Variants in RAI1 observed in about 807,000 individuals in gnomAD.
RAI1 encodes the protein retinoic acid induced 1.
In RAI1, 9 loss-of-function variants were observed where a neutral mutation model predicts 123.8. That is an observed-to-expected ratio of 0.07 (90% CI 0.04 to 0.13). RAI1 has a LOEUF of 0.13. RAI1 is among the 10% of genes least tolerant of loss of function. The probability of loss-of-function intolerance (pLI) is 1.00; values close to 1 mark genes in which losing one functional copy is unlikely to be tolerated. For synonymous variants in RAI1, 1,231 were observed against 1,127.3 expected (o/e 1.09, Z -1.84); for missense variants, 2,256 against 2,545.8 (o/e 0.89, Z 2.45).
At position 17,800,229 on chromosome 17, in the gene RAI1, A is replaced by G. The variant is rs1157520074; in HGVS notation, c.5565+1716A>G. Among the ~76,000 whole-genome samples the G allele has an allele frequency of 1.7e-5, 1 of 60,458 alleles. No homozygotes were observed. Among genetic ancestry groups the G allele is most frequent in the South Asian group, 3.5e-4 (1 of 2,846 alleles). The allele number at this position is 60,458 out of a possible 152,430, so 39.7% of individuals were successfully genotyped here. Reference sequence around the variant, plus strand: ...CTCTCTCTCTCTCTCTCTCTCTCTCATTACTGGCTCCTTCCCAGCGCCTTG... The same window carrying G: ...CTCTCTCTCTCTCTCTCTCTCTCTCGTTACTGGCTCCTTCCCAGCGCCTTG... On this transcript the variant is annotated intron_variant, in intron 3 of 5. Transcript: ENST00000353383. This position sits in a 1 kb window ranked among gnomAD's most constrained non-coding sequence, Gnocchi z 4.7.
chr17:17,767,037 G>T (rs1446587782), intron 2 of RAI1, among the ~76,000 whole-genome samples: 1 of 152,100 alleles, frequency 6.6e-6, no homozygotes, highest in East Asian at 1.9e-4. Context: ...GGGCAGGAGG[G>T]CATAGCACAC....
chr17:17,752,706 C>T (rs1423357072), intron 2 of RAI1, among the ~76,000 whole-genome samples: 1 of 152,230 alleles, frequency 6.6e-6, no homozygotes, highest in Admixed American at 6.5e-5. Context: ...ACGCTGGCCC[C>T]TCCCTCTCCT....
chr17:17,702,590 G>T (rs868064460), intron 1 of RAI1, among the ~76,000 whole-genome samples: 1 of 152,336 alleles, frequency 6.6e-6, no homozygotes, highest in South Asian at 2.1e-4. Context: ...CATCACAGCC[G>T]GGTAGACAGT....
At position 17,793,617 on chromosome 17, in the gene RAI1, C is replaced by T. The variant is rs1488972710; in HGVS notation, c.669C>T (p.Ser223=). 3 of 1,613,504 alleles carry T rather than the reference C, an allele frequency of 1.9e-6. No homozygotes were observed. Among genetic ancestry groups the T allele is most frequent in the Admixed American group, 3.3e-5 (2 of 60,028 alleles). ...SQSFPTSSTY[S]SSVQGGGQGA... is the part of the protein sequence containing the mutation. ...CCTTCCCCACCTCCTCCACCTACTC[C>T]TCCTCTGTCCAGGGTGGTGGGCAGG... Residue 223 remains serine, a synonymous_variant, in exon 3 of 6, where the codon TCC becomes TCT. Coordinates refer to ENST00000353383, the MANE Select transcript of RAI1 (RefSeq NM_030665.4).
At chr17:17,698,522 C>T (rs1915109827) in intron 1 of RAI1, among the ~76,000 whole-genome samples, 1 of 152,224 alleles carries the variant, frequency 6.6e-6, no homozygotes, top group Admixed American at 6.5e-5. Flanking sequence ...TCTGTCACTA[C>T]TTTCCTAATG....
chr17:17,782,640 G>A (rs996758896), intron 2 of RAI1, among the ~76,000 whole-genome samples: 2 of 145,200 alleles, frequency 1.4e-5, no homozygotes, highest in East Asian at 2.3e-4. Context: ...GGGGCGACGA[G>A]GACCCAGTGG....
chr17:17,761,888 G>C (rs549392081), intron 2 of RAI1, among the ~76,000 whole-genome samples: 90 of 152,250 alleles, frequency 5.9e-4, no homozygotes, highest in Non-Finnish European at 1.1e-3. Context: ...CAGGTGGGGG[G>C]ATGGAAAGGT....
chr17:17,736,936 T>C lies in RAI1; in HGVS notation c.-17+12777T>C, dbSNP rs140119425. On this transcript the variant is annotated intron_variant, in intron 2 of 5. Coordinates refer to ENST00000353383, the MANE Select transcript of RAI1 (RefSeq NM_030665.4). ...AGATGAGGTATTTTTGGAGCTGAAATGCAACATCTCTGGAGATGGGATATG... is the reference window on the plus strand; with the variant it reads ...AGATGAGGTATTTTTGGAGCTGAAACGCAACATCTCTGGAGATGGGATATG... Among the ~76,000 whole-genome samples the C allele has an allele frequency of 4.3e-3, 653 of 152,230 alleles. 4 individuals are homozygous for C. The highest frequency in any genetic ancestry group is 0.014 in the African/African-American group (600 of 41,526).
chr17:17,695,817 C>T (rs1206223920), intron 1 of RAI1, among the ~76,000 whole-genome samples: 4 of 152,062 alleles, frequency 2.6e-5, no homozygotes, highest in African/African-American at 9.7e-5. Context: ...CCACTATGCC[C>T]GGCCTCCCCT....
chr17:17,776,905 T>C, intron 2 of RAI1: 1 of 152,354 alleles, frequency 6.6e-6, no homozygotes. Context: ...GCTCAAGCAA[T>C]CCTCCTGCCT....
At chr17:17,719,137 C>G (rs1326471526) in intron 1 of RAI1, among the ~76,000 whole-genome samples, 1 of 152,136 alleles carries the variant, frequency 6.6e-6, no homozygotes, top group Non-Finnish European at 1.5e-5. Context: ...GTGCTCCTGC[C>G]CTGGCCCCAC....
chr17:17,733,836 G>A (rs1916341609), intron 2 of RAI1, among the ~76,000 whole-genome samples: 2 of 152,168 alleles, frequency 1.3e-5, no homozygotes, highest in South Asian at 2.1e-4. Context: ...GTGTAATTTG[G>A]GCTGTGAGGG....
rs1364217909 is a variant in RAI1 at position 17,714,881 on chromosome 17, G to A, written c.-148-9147G>A. 1.3e-5 allele frequency among the ~76,000 whole-genome samples: 2 copies of A among 152,186 alleles called. No individual in the cohort carries two copies. The highest frequency in any genetic ancestry group is 2.4e-5 in the African/African-American group (1 of 41,442). Reference sequence around the variant, plus strand: ...ACTTTGGGAGGATTCTCCTTGTCTCGGCCTAGGAGCTTTCTTGCTCAGCTT... The same window carrying A: ...ACTTTGGGAGGATTCTCCTTGTCTCAGCCTAGGAGCTTTCTTGCTCAGCTT... On this transcript the variant is annotated intron_variant, in intron 1 of 5. Transcript: ENST00000353383. This position sits in a 1 kb window ranked among gnomAD's most constrained non-coding sequence, Gnocchi z 4.9.
chr17:17,794,926 C>A lies in RAI1; in HGVS notation c.1978C>A (p.Arg660=). The A allele has an allele frequency of 6.2e-7, 1 of 1,613,638 alleles. No homozygotes were observed. Among genetic ancestry groups the A allele is most frequent in the Non-Finnish European group, 8.5e-7 (1 of 1,180,024 alleles). The change falls in exon 3 of 6, where the codon CGG becomes AGG. Residue 660 remains arginine, a synonymous_variant. Coordinates refer to ENST00000353383, the MANE Select transcript of RAI1 (RefSeq NM_030665.4). The part of the protein sequence containing the change: ...LDSVAKSAWP[R]PGEPEALPDS... ...CTCTGTGGCCAAGAGTGCGTGGCCC[C>A]GGCCTGGGGAGCCGGAGGCCCTGCC...
Position 17,801,469 on chromosome 17 carries a change from T to C in RAI1, c.5566-2287T>C, listed in dbSNP as rs2032460213. Among the ~76,000 whole-genome samples, 1 of 152,072 alleles carries C rather than the reference T, an allele frequency of 6.6e-6. No homozygotes were observed. The highest frequency in any genetic ancestry group is 2.1e-4 in the South Asian group (1 of 4,828). On this transcript the variant is annotated intron_variant, in intron 3 of 5. Transcript: ENST00000353383. This position sits in a 1 kb window ranked among gnomAD's most constrained non-coding sequence, Gnocchi z 4.1. The stretch of plus-strand genomic sequence containing the variant: ...GTGGTTGGGGCCTCCGTGCAGTAAG[T>C]GGAGAGAAGCCTTCAGCCAGAGGAC...
intron 2 of RAI1, chr17:17,766,140 C>G (rs2142993694): frequency 6.6e-6 from 1 of 152,362 alleles, no homozygotes; most frequent in East Asian, 1.9e-4. Context: ...GATGCATTCC[C>G]CACCCCCAAG....
At chr17:17,722,734 A>C (rs1170929780) in intron 1 of RAI1, among the ~76,000 whole-genome samples, 1 of 152,110 alleles carries the variant, frequency 6.6e-6, no homozygotes, top group Non-Finnish European at 1.5e-5. Flanking sequence ...GGGTCCCCCA[A>C]ACCCTGTGCT....
intron 1 of RAI1, among the ~76,000 whole-genome samples, chr17:17,689,287 A>G (rs1914760729): frequency 6.6e-6 from 1 of 152,216 alleles, no homozygotes; most frequent in Non-Finnish European, 1.5e-5. Context: ...CATTCATGCC[A>G]GGTCACATCT....
Position 17,796,268 on chromosome 17 carries a change from C to G in RAI1, c.3320C>G (p.Ser1107Cys). Residue 1107 changes from serine to cysteine, a missense_variant, in exon 3 of 6, where the codon TCC (serine) becomes TGC (cysteine). Transcript: ENST00000353383. The surrounding 1 kb of genome is among the most constrained non-coding windows in gnomAD (Gnocchi z 5.8). The part of the protein sequence containing the change: ...RVGKPSPKAA[S>C]SPSNPAALPV... Reference sequence around the variant, plus strand: ...GGGAAGCCCTCACCCAAGGCTGCCTCCAGCCCCAGCAACCCGGCCGCCCTG... The same window carrying G: ...GGGAAGCCCTCACCCAAGGCTGCCTGCAGCCCCAGCAACCCGGCCGCCCTG... 1.3e-6 allele frequency: 2 copies of G among 1,594,398 alleles called. No homozygotes were observed. The highest frequency in any genetic ancestry group is 1.7e-6 in the Non-Finnish European group (2 of 1,168,438).
Sources: allele counts gnomAD v4.1 joint callset (sites outside exome capture counted in the v4.1 genomes callset), GRCh38; gene constraint gnomAD v4.1.1; non-coding constraint Gnocchi (gnomAD v3.1); transcripts MANE v1.5; gene names NCBI Gene and HGNC (gene_info 2026-07-23, HGNC 2026-07-21).